Variants in CELF2 observed in about 807,000 individuals in gnomAD.
CELF2 encodes CUG triplet repeat RNA-binding protein 2.
A neutral mutation model predicts 62.6 loss-of-function variants in CELF2; 8 were observed. The ratio of observed to expected loss-of-function variants is 0.13; its 90% confidence interval spans 0.07 to 0.23. The LOEUF (loss-of-function observed/expected upper bound fraction) is 0.23, where lower values mean the gene tolerates loss of function less well. Ranked by LOEUF, CELF2 falls within the 10% of genes least tolerant of loss-of-function variation. The pLI, the probability that CELF2 is intolerant of heterozygous loss-of-function variation, is 1.00. For synonymous variants in CELF2, 258 were observed against 250.0 expected, an observed-to-expected ratio of 1.03 and a Z score of -0.30; for missense variants, 333 against 671.0, an observed-to-expected ratio of 0.50 and a Z score of 5.56.
chr10:11,005,107 T>C, upstream of CELF2: 6 of 985,314 alleles, frequency 6.1e-6, no homozygotes, highest in Non-Finnish European at 7.2e-6. This position sits in a 1 kb window ranked among gnomAD's most constrained non-coding sequence, Gnocchi z 4.3. Context: ...AAGACCCCTA[T>C]AGGCAGCACA....
rs547586346 is a variant in CELF2 at position 11,311,228 on chromosome 10, A to G, written c.977-2911A>G. ...GGGAATTTCCCTCTGAGAATTCATA[A>G]CAATAAACCATCCCTCACGTGAGTT... On this transcript the variant is annotated intron_variant, in intron 9 of 12. Coordinates refer to ENST00000633077, the MANE Select transcript of CELF2 (RefSeq NM_001326342.2). This position sits in a 1 kb window ranked among gnomAD's most constrained non-coding sequence, Gnocchi z 4.7. Among the ~76,000 whole-genome samples the G allele has an allele frequency of 6.6e-6, 1 of 152,362 alleles. No individual in the cohort carries two copies. The highest frequency in any genetic ancestry group is 2.1e-4 in the South Asian group (1 of 4,828).
At chr10:10,694,569 C>T in the CELF2 span, among the ~76,000 whole-genome samples, 96 of 152,016 alleles carry the variant, frequency 6.3e-4, no homozygotes, top group Middle Eastern at 6.8e-3. Flanking sequence ...GGTATCCTTG[C>T]TGACTTTCTG....
Position 11,270,686 on chromosome 10 carries a change from G to C in CELF2, c.639G>C (p.Val213=). ...QTMEGCSSPI[V]VKFADTQKDK... Reference sequence around the variant, plus strand: ...CACAGGGCTGCTCTTCACCTATCGTGGTGAAGTTTGCTGACACTCAGAAGG... The same window carrying C: ...CACAGGGCTGCTCTTCACCTATCGTCGTGAAGTTTGCTGACACTCAGAAGG... The change falls in exon 7 of 13, where the codon GTG becomes GTC. Residue 213 remains valine, a synonymous_variant. Transcript: ENST00000633077. The surrounding 1 kb of genome is among the most constrained non-coding windows in gnomAD (Gnocchi z 5.8). The C allele has an allele frequency of 6.6e-7, 1 of 1,518,754 alleles. No individual in the cohort carries two copies. The highest frequency in any genetic ancestry group is 8.9e-7 in the Non-Finnish European group (1 of 1,128,104). The allele number at this position is 1,518,754 out of a possible 1,614,324, so 94.1% of individuals were successfully genotyped here.
chr10:10,476,911 T>C, the CELF2 span, among the ~76,000 whole-genome samples: 6 of 152,290 alleles, frequency 3.9e-5, no homozygotes, highest in Admixed American at 2.6e-4. Flanking sequence ...GTTCATTTGG[T>C]GACTAATACT....
chr10:11,015,946 C>T (rs2057201432), upstream of CELF2, among the ~76,000 whole-genome samples: 1 of 152,166 alleles, frequency 6.6e-6, no homozygotes, highest in Admixed American at 6.5e-5. The surrounding 1 kb of genome is among the most constrained non-coding windows in gnomAD (Gnocchi z 4.8). Context: ...ACATGTTCTA[C>T]CTTACAGAAT....
At chr10:10,549,215 G>C in the CELF2 span, among the ~76,000 whole-genome samples, 1 of 152,146 alleles carries the variant, frequency 6.6e-6, no homozygotes, top group East Asian at 1.9e-4. Context: ...AAACCATAGA[G>C]ATTAATTTCC....
In CELF2 at chr10:10,995,610, T is replaced by C. The variant is rs1274581217; in HGVS notation, c.89+75611T>C. On this transcript the variant is annotated intron_variant, in intron 2 of 13. Coordinates refer to the CELF2 transcript ENST00000636488. This position sits in a 1 kb window ranked among gnomAD's most constrained non-coding sequence, Gnocchi z 4.7. Reference sequence around the variant, plus strand: ...TAGGTGGATCTCATGGGCATTATTATGTGGCTTGGACTTCATCTTAGGGTA... The same window carrying C: ...TAGGTGGATCTCATGGGCATTATTACGTGGCTTGGACTTCATCTTAGGGTA... 6.6e-6 allele frequency among the ~76,000 whole-genome samples: 1 copy of C among 152,222 alleles called. No homozygotes were observed. The highest frequency in any genetic ancestry group is 1.5e-5 in the Non-Finnish European group (1 of 68,036).
At chr10:10,712,730 T>G in the CELF2 span, among the ~76,000 whole-genome samples, 3 of 152,332 alleles carry the variant, frequency 2.0e-5, no homozygotes, top group African/African-American at 7.2e-5. Context: ...ATTAGTTCAC[T>G]CATGCCTCCA....
the CELF2 span, among the ~76,000 whole-genome samples, chr10:10,682,060 G>A: frequency 6.6e-6 from 1 of 152,162 alleles, no homozygotes; most frequent in Non-Finnish European, 1.5e-5. Flanking sequence ...AGAAGGGCTT[G>A]AATTTCCTTC....
At chr10:10,622,694 G>A in the CELF2 span, among the ~76,000 whole-genome samples, 5 of 151,962 alleles carry the variant, frequency 3.3e-5, no homozygotes, top group Admixed American at 6.6e-5. Flanking sequence ...TATTGTCATC[G>A]ACTGGGGAAA....
At chr10:10,877,601 C>T (rs2061188516) in intron 1 of CELF2, among the ~76,000 whole-genome samples, 1 of 152,234 alleles carries the variant, frequency 6.6e-6, no homozygotes, top group Admixed American at 6.5e-5. Context: ...CTTGACTTTT[C>T]TCTTTAGCTT....
At chr10:10,696,355 C>T in the CELF2 span, among the ~76,000 whole-genome samples, 1 of 151,734 alleles carries the variant, frequency 6.6e-6, no homozygotes, top group Non-Finnish European at 1.5e-5. Flanking sequence ...AGGCAGTCTG[C>T]CCGTTCTCAG....
intron 1 of CELF2, among the ~76,000 whole-genome samples, chr10:11,079,360 A>G (rs145484185): frequency 1.3e-5 from 2 of 152,332 alleles, no homozygotes; most frequent in East Asian, 3.9e-4. Flanking sequence ...CACCTCAACA[A>G]AAACGTGCGG....
At chr10:10,660,431 G>A in the CELF2 span, among the ~76,000 whole-genome samples, 9 of 152,270 alleles carry the variant, frequency 5.9e-5, no homozygotes, top group East Asian at 5.8e-4. Flanking sequence ...CCATCTCTGT[G>A]GCTTACTGAT....
chr10:10,533,035 C>T, the CELF2 span, among the ~76,000 whole-genome samples: 1 of 152,160 alleles, frequency 6.6e-6, no homozygotes, highest in Non-Finnish European at 1.5e-5. Flanking sequence ...TTAAATCCAT[C>T]TTATTTCAGA....
At chr10:10,489,314 C>T in the CELF2 span, among the ~76,000 whole-genome samples, 5 of 152,068 alleles carry the variant, frequency 3.3e-5, no homozygotes, top group African/African-American at 9.7e-5. Context: ...GGACAAACAG[C>T]CCTGGGATTT....
chr10:11,248,751 C>T (rs1251493119), intron 3 of CELF2, among the ~76,000 whole-genome samples: 1 of 152,226 alleles, frequency 6.6e-6, no homozygotes. Flanking sequence ...CCTTACAATT[C>T]AGGTGTTACC....
chr10:10,656,186 A>G, the CELF2 span, among the ~76,000 whole-genome samples: 1 of 145,888 alleles, frequency 6.9e-6, no homozygotes, highest in Non-Finnish European at 1.5e-5. Flanking sequence ...ATCTCACACC[A>G]GTTAGAATGA....
chr10:11,114,250 A>G (rs914921480), intron 1 of CELF2, among the ~76,000 whole-genome samples: 3 of 152,244 alleles, frequency 2.0e-5, no homozygotes, highest in African/African-American at 7.2e-5. Flanking sequence ...GTAATGATCA[A>G]AAAGACTTTA....
Sources: allele counts gnomAD v4.1 joint callset (sites outside exome capture counted in the v4.1 genomes callset), GRCh38; gene constraint gnomAD v4.1.1; non-coding constraint Gnocchi (gnomAD v3.1); transcripts MANE v1.5; gene names NCBI Gene and HGNC (gene_info 2026-07-23, HGNC 2026-07-21).